The following KIF25 variants were observed in gnomAD, a reference collection of about 807,000 sequenced individuals.
The protein encoded by KIF25 is kinesin-like protein KIF25.
Under a neutral mutation model 32.9 loss-of-function variants are expected in KIF25, and 19 were observed. That is an observed-to-expected ratio of 0.58 (90% CI 0.40 to 0.85). The LOEUF (loss-of-function observed/expected upper bound fraction) is 0.85. KIF25 is among the 40% of genes least tolerant of loss of function. The probability of loss-of-function intolerance (pLI) is 0.00; values close to 1 mark genes in which losing one functional copy is unlikely to be tolerated. For missense variants in KIF25, 485 were observed against 507.0 expected, an observed-to-expected ratio of 0.96 and a Z score of 0.42; for synonymous variants, 225 against 213.7, an observed-to-expected ratio of 1.05 and a Z score of -0.46.
intron 4 of KIF25, among the ~76,000 whole-genome samples, chr6:168,010,445 CTT>C (rs1798632863): frequency 6.6e-6 from 1 of 152,038 alleles, no homozygotes; most frequent in Admixed American, 6.6e-5. Context: ...AAATGTTCCT[CTT>C]GTTATTGATG....
At chr6:168,039,246 A>T (rs891445574) in intron 9 of KIF25, among the ~76,000 whole-genome samples, 1 of 152,230 alleles carries the variant, frequency 6.6e-6, no homozygotes, top group South Asian at 2.1e-4. Context: ...AGACTTGTGG[A>T]GGTGAAAGAA....
intron 4 of KIF25, among the ~76,000 whole-genome samples, chr6:168,005,290 G>A (rs1798564209): frequency 6.6e-6 from 1 of 152,202 alleles, no homozygotes; most frequent in Non-Finnish European, 1.5e-5. Context: ...CCTAAGGCAG[G>A]TTGACGGGGA....
Position 168,029,474 on chromosome 6 carries a change from A to T in KIF25, c.-94-18A>T. 1 of 1,496,806 alleles carries T rather than the reference A, an allele frequency of 6.7e-7. No homozygotes were observed. The highest frequency in any genetic ancestry group is 8.9e-7 in the Non-Finnish European group (1 of 1,119,178). 92.7% of individuals were successfully genotyped at this position (1,496,806 alleles called of 1,614,324 possible). A position where few individuals can be genotyped will look rare whatever the true frequency, so the allele number is the denominator to read the frequency against. On this transcript the variant is annotated intron_variant, in intron 5 of 12. Transcript: ENST00000643607. The stretch of plus-strand genomic sequence containing the variant: ...TCGTGGTAATACTGTTACGTTTTCA[A>T]GTCATGATCCTTTACAGATATACTG...
chr6:168,024,294 A>G (rs1798827587), intron 5 of KIF25, among the ~76,000 whole-genome samples: 1 of 151,874 alleles, frequency 6.6e-6, no homozygotes, highest in Non-Finnish European at 1.5e-5. Flanking sequence ...CACTTGTGGA[A>G]CTTTGCTTCC....
At chr6:168,000,809 T>TCTG (rs10637507) in intron 2 of KIF25, among the ~76,000 whole-genome samples, 48,957 of 151,646 alleles carry the variant, frequency 0.32, 8,148 homozygotes, top group East Asian at 0.52. Flanking sequence ...CACTCCTGAC[T>TCTG]TTGCTTTGCT....
intron 2 of KIF25, among the ~76,000 whole-genome samples, chr6:167,999,916 GACCCTCCCCACTCCCATCCT>G (rs1798473654): frequency 6.8e-6 from 1 of 147,090 alleles, no homozygotes; most frequent in East Asian, 2.0e-4. Context: ...GACCACACCT[GACCCTCCCCACTCCCATCCT>G]GACCACACCT....
intron 2 of KIF25, among the ~76,000 whole-genome samples, chr6:167,999,862 C>T (rs1798472703): frequency 6.6e-6 from 1 of 152,218 alleles, no homozygotes; most frequent in South Asian, 2.1e-4. Context: ...GACTTACTTC[C>T]TTCCCCATGA....
chr6:168,044,360 A>C (rs1583150034), intron 12 of KIF25, among the ~76,000 whole-genome samples: 3 of 63,254 alleles, frequency 4.7e-5, no homozygotes, highest in African/African-American at 6.9e-5. Flanking sequence ...CCGGCTGCTG[A>C]CCCTCCCGGA....
intron 5 of KIF25, among the ~76,000 whole-genome samples, chr6:168,018,921 A>G (rs1403161832): frequency 2.0e-5 from 3 of 152,228 alleles, no homozygotes; most frequent in Non-Finnish European, 4.4e-5. Flanking sequence ...GAGCGGTAAG[A>G]AGGAGGAGGC....
intron 12 of KIF25, among the ~76,000 whole-genome samples, chr6:168,043,889 C>T (rs1277541549): frequency 6.6e-6 from 1 of 152,242 alleles, no homozygotes; most frequent in African/African-American, 2.4e-5. Flanking sequence ...CAGGAAGAGA[C>T]AGCATTCCTC....
chr6:168,032,951 T>C (rs962528601), intron 7 of KIF25, among the ~76,000 whole-genome samples: 40 of 152,220 alleles, frequency 2.6e-4, no homozygotes, highest in African/African-American at 9.6e-4. Context: ...TGATTTTCTA[T>C]CATACTTATT....
intron 7 of KIF25, 42 bp downstream of exon 7, chr6:168,030,889 T>G: frequency 6.8e-7 from 1 of 1,460,112 alleles, no homozygotes; most frequent in Non-Finnish European, 9.6e-7. Flanking sequence ...ATAGTTACAT[T>G]TGAATATAAA....
chr6:168,015,925 T>C lies in KIF25; in HGVS notation c.-162-2048T>C, dbSNP rs112579033. On this transcript the variant is annotated intron_variant, in intron 4 of 12. Transcript: ENST00000643607. ...TTTCGGGTTAGACACTGTAGACCTT[T>C]GTGGTTTTCGTTTGCTTTTCTTTAT... Among the ~76,000 whole-genome samples the C allele has an allele frequency of 3.7e-3, 567 of 152,304 alleles. 2 individuals carry two copies. The highest frequency in any genetic ancestry group is 0.013 in the African/African-American group (534 of 41,560).
At chr6:168,019,431 A>G (rs1250029319) in intron 5 of KIF25, among the ~76,000 whole-genome samples, 3 of 152,218 alleles carry the variant, frequency 2.0e-5, no homozygotes, top group Non-Finnish European at 2.9e-5. Context: ...ATGAAAAATT[A>G]TAAAAAGACC....
At chr6:168,021,204 T>G (rs2114886003) in intron 5 of KIF25, among the ~76,000 whole-genome samples, 1 of 152,376 alleles carries the variant, frequency 6.6e-6, no homozygotes, top group South Asian at 2.1e-4. Context: ...ACTCTTTTAA[T>G]GGTGGGGGCT....
chr6:168,027,769 G>A (rs750513535), intron 5 of KIF25, among the ~76,000 whole-genome samples: 7 of 152,236 alleles, frequency 4.6e-5, no homozygotes, highest in African/African-American at 1.2e-4. Flanking sequence ...GGTGAGAAAC[G>A]GGTTCTCTGT....
intron 12 of KIF25, among the ~76,000 whole-genome samples, chr6:168,044,437 C>T (rs1799186107): frequency 7.6e-6 from 1 of 132,398 alleles, no homozygotes; most frequent in South Asian, 2.9e-4. Flanking sequence ...TGCTAGTGAC[C>T]GGCTGCTGAC....
chr6:168,023,356 C>T (rs1256571066), intron 5 of KIF25, among the ~76,000 whole-genome samples: 2 of 149,504 alleles, frequency 1.3e-5, no homozygotes, highest in Non-Finnish European at 3.0e-5. Flanking sequence ...CAAGCTCCAC[C>T]TTCTGGGTTC....
At chr6:168,043,678 TG>T (rs1462490951) in intron 12 of KIF25, among the ~76,000 whole-genome samples, 8 of 152,198 alleles carry the variant, frequency 5.3e-5, no homozygotes, top group Admixed American at 5.2e-4. Context: ...CAGGGCGACC[TG>T]GGTCAGGGGC....
Sources: gnomAD v4.1 joint callset for allele counts (sites outside exome capture counted in the v4.1 genomes callset) on GRCh38, gnomAD v4.1.1 for gene constraint, MANE v1.5 for transcripts, NCBI Gene and HGNC (gene_info 2026-07-23, HGNC 2026-07-21) for gene names.